The following SLC24A3 variants were observed in gnomAD, a reference collection of about 807,000 sequenced individuals.
SLC24A3 encodes the protein solute carrier family 24 member 3, also known as sodium/potassium/calcium exchanger 3.
In SLC24A3, 28 loss-of-function variants were observed where a neutral mutation model predicts 75.8. That is an observed-to-expected ratio of 0.37 (90% CI 0.27 to 0.51). The LOEUF is 0.51. Ranked by LOEUF, SLC24A3 falls within the 20% of genes least tolerant of loss-of-function variation. The probability of loss-of-function intolerance (pLI) is 0.94; values close to 1 mark genes in which losing one functional copy is unlikely to be tolerated. For missense variants in SLC24A3, 663 were observed against 847.8 expected, an observed-to-expected ratio of 0.78 and a Z score of 2.71; for synonymous variants, 372 against 334.1, an observed-to-expected ratio of 1.11 and a Z score of -1.24.
rs535767823 is a variant in SLC24A3, at chr20:19,582,313, C to T, written c.423+2239C>T. On this transcript the variant is annotated intron_variant, in intron 4 of 16. Coordinates refer to ENST00000328041, the MANE Select transcript of SLC24A3 (RefSeq NM_020689.4). ...CGATACTCTGTGTTTCATGGTTACT[C>T]GTAGACTAAAACTGGGAGTGGGGCA... 2.8e-4 allele frequency among the ~76,000 whole-genome samples: 43 copies of T among 152,294 alleles called. 2 individuals are homozygous for T. In the South Asian group the frequency reaches 8.1e-3, roughly 29 times the overall value.
intron 6 of SLC24A3, among the ~76,000 whole-genome samples, chr20:19,596,449 G>A (rs945717495): frequency 6.6e-6 from 1 of 152,236 alleles, no homozygotes; most frequent in African/African-American, 2.4e-5. Flanking sequence ...ATCGCCATGA[G>A]CAATTAGGAG....
In SLC24A3 at chr20:19,681,951, C is replaced by T. The variant is rs748758766; in HGVS notation, c.861C>T (p.Asp287=). 3.1e-6 allele frequency: 5 copies of T among 1,614,068 alleles called. No homozygotes were observed. In the African/African-American group the frequency reaches 6.7e-5, roughly 22 times the overall value. ...NGLANNAEID[D]SSNCDATVVL... ...TGGCCAACAATGCTGAAATTGATGA[C>T]AGCAGCAACTGCGACGCAACTGTGG... The change falls in exon 10 of 17, where the codon GAC becomes GAT. Residue 287 remains aspartate, a synonymous_variant. Coordinates refer to ENST00000328041, the MANE Select transcript of SLC24A3 (RefSeq NM_020689.4).
chr20:19,377,183 T>G (rs1318049104), intron 2 of SLC24A3, among the ~76,000 whole-genome samples: 2 of 152,224 alleles, frequency 1.3e-5, no homozygotes, highest in Non-Finnish European at 2.9e-5. Flanking sequence ...GGATTAACTT[T>G]GATCCACATG....
intron 2 of SLC24A3, among the ~76,000 whole-genome samples, chr20:19,337,203 G>A (rs1227009515): frequency 1.3e-5 from 2 of 152,202 alleles, no homozygotes; most frequent in Non-Finnish European, 2.9e-5. Flanking sequence ...CCAGCACTTT[G>A]GGAGGCTGAG....
In SLC24A3 at chr20:19,663,107, C is replaced by A. The variant is rs189628034; in HGVS notation, c.688-2757C>A. On this transcript the variant is annotated intron_variant, in intron 7 of 16. Coordinates refer to ENST00000328041, the MANE Select transcript of SLC24A3 (RefSeq NM_020689.4). ...TTTTAGAGACAGGGTCTTGCTGTCT[C>A]CCCAAGGCTGGAATGCAGTGGCCAG... Among the ~76,000 whole-genome samples the A allele has an allele frequency of 2.7e-4, 41 of 152,152 alleles. No individual in the cohort carries two copies. In the East Asian group the frequency reaches 6.8e-3, roughly 25 times the overall value.
chr20:19,260,706 A>G (rs1431649328), intron 1 of SLC24A3, among the ~76,000 whole-genome samples: 1 of 152,138 alleles, frequency 6.6e-6, no homozygotes, highest in Non-Finnish European at 1.5e-5. Context: ...CCCAAAAAAG[A>G]TTGAGGCTAT....
At chr20:19,317,900 C>A (rs1984620720) in intron 2 of SLC24A3, among the ~76,000 whole-genome samples, 1 of 152,208 alleles carries the variant, frequency 6.6e-6, no homozygotes, top group African/African-American at 2.4e-5. Flanking sequence ...CTGTGCCTGC[C>A]CATGGTTCCT....
intron 6 of SLC24A3, among the ~76,000 whole-genome samples, chr20:19,593,849 A>T (rs2031415433): frequency 6.6e-6 from 1 of 152,172 alleles, no homozygotes; most frequent in Non-Finnish European, 1.5e-5. Context: ...GTGCAAAGGG[A>T]CTGGCAGCCC....
intron 6 of SLC24A3, among the ~76,000 whole-genome samples, chr20:19,634,778 C>T (rs998747354): frequency 5.9e-5 from 9 of 152,006 alleles, no homozygotes; most frequent in Admixed American, 2.0e-4. Flanking sequence ...GGGGGGGACA[C>T]TTTTCTGTGT....
intron 2 of SLC24A3, among the ~76,000 whole-genome samples, chr20:19,403,974 G>A (rs952615792): frequency 2.0e-5 from 3 of 152,230 alleles, no homozygotes; most frequent in Non-Finnish European, 4.4e-5. Flanking sequence ...GGTCTCCTGT[G>A]TGCTTCTGCA....
intron 1 of SLC24A3, among the ~76,000 whole-genome samples, chr20:19,254,426 T>A (rs1280359537): frequency 1.3e-5 from 2 of 152,106 alleles, no homozygotes; most frequent in Non-Finnish European, 2.9e-5. Flanking sequence ...AGGCACAGAT[T>A]TCTGAGGCTG....
chr20:19,550,351 A>T (rs1283368306), intron 3 of SLC24A3, among the ~76,000 whole-genome samples: 1 of 152,202 alleles, frequency 6.6e-6, no homozygotes, highest in Admixed American at 6.5e-5. Context: ...CCCAGACAAT[A>T]CATAGTATCA....
Position 19,398,963 on chromosome 20 carries a change from A to G in SLC24A3, c.272-116525A>G, listed in dbSNP as rs78077025. Among the ~76,000 whole-genome samples, 108 of 152,270 alleles carry G rather than the reference A, an allele frequency of 7.1e-4. No individual in the cohort carries two copies. The East Asian group carries it at 0.018, about 25-fold the overall frequency. ...GTTCTATTTGCATTAACGTTTTTAG[A>G]TATAAATTCGATTTCTTTAGTAGAT... On this transcript the variant is annotated intron_variant, in intron 2 of 16. Transcript: ENST00000328041.
chr20:19,227,028 C>T (rs948056537), intron 1 of SLC24A3, among the ~76,000 whole-genome samples: 1 of 152,192 alleles, frequency 6.6e-6, no homozygotes, highest in Non-Finnish European at 1.5e-5. Context: ...GCATGCCCAT[C>T]GTAAAGGCTC....
intron 6 of SLC24A3, among the ~76,000 whole-genome samples, chr20:19,627,246 G>A (rs2031877162): frequency 6.6e-6 from 1 of 152,090 alleles, no homozygotes; most frequent in African/African-American, 2.4e-5. Flanking sequence ...CTTAGAAGTG[G>A]TACAACCGCA....
intron 2 of SLC24A3, among the ~76,000 whole-genome samples, chr20:19,329,256 C>T (rs962627883): frequency 2.6e-5 from 4 of 151,610 alleles, no homozygotes; most frequent in African/African-American, 7.3e-5. Context: ...AGAAATAAAA[C>T]GAAAGTATAA....
At position 19,717,737 on chromosome 20, in the gene SLC24A3, G is replaced by A. The variant is rs1250087893; in HGVS notation, c.1785+144G>A. Reference sequence around the variant, plus strand: ...CATCTCCTGGCTCTTTCTTCTAGAAGTGAGTCCTAGCAACCCACTAGAACA... The same window carrying A: ...CATCTCCTGGCTCTTTCTTCTAGAAATGAGTCCTAGCAACCCACTAGAACA... On this transcript the variant is annotated intron_variant, in intron 16 of 16. Coordinates refer to ENST00000328041, the MANE Select transcript of SLC24A3 (RefSeq NM_020689.4). 16 of 843,208 alleles carry A rather than the reference G, an allele frequency of 1.9e-5. No individual in the cohort carries two copies. The South Asian group carries it at 2.3e-4, about 12-fold the overall frequency. The allele number at this position is 843,208 out of a possible 1,614,324, so 52.2% of individuals were successfully genotyped here.
intron 13 of SLC24A3, 125 bp downstream of exon 13, chr20:19,693,550 AC>A: frequency 8.0e-7 from 1 of 1,249,100 alleles, no homozygotes; most frequent in Non-Finnish European, 1.1e-6. Context: ...TGCACAACGA[AC>A]CACTCCTAAA....
chr20:19,561,940 C>A (rs967773670), intron 3 of SLC24A3, among the ~76,000 whole-genome samples: 2 of 152,142 alleles, frequency 1.3e-5, no homozygotes, highest in Admixed American at 6.5e-5. Context: ...CAAGGGTAAC[C>A]AGCTAGCAAA....
Sources: allele counts gnomAD v4.1 joint callset (sites outside exome capture counted in the v4.1 genomes callset), GRCh38; gene constraint gnomAD v4.1.1; transcripts MANE v1.5; gene names NCBI Gene and HGNC (gene_info 2026-07-23, HGNC 2026-07-21).